DNAH8: variants seen among roughly 807,000 people sequenced by gnomAD.
DNAH8 encodes the protein axonemal beta dynein heavy chain 8.
Under a neutral mutation model 562.1 loss-of-function variants are expected in DNAH8, and 382 were observed. The observed-to-expected ratio is 0.68, with a 90% CI of 0.63 to 0.74. The LOEUF (loss-of-function observed/expected upper bound fraction) is 0.74. Ranked by LOEUF, DNAH8 falls within the 30% of genes least tolerant of loss-of-function variation. DNAH8 has a pLI of 0.00. For synonymous variants in DNAH8, 1,881 were observed against 1,919.4 expected (o/e 0.98, Z 0.52); for missense variants, 5,203 against 5,620.4 (o/e 0.93, Z 2.37).
chr6:38,872,722 A>C lies in DNAH8; in HGVS notation c.7177A>C (p.Asn2393His), dbSNP rs377740147. The change falls in exon 50 of 93, where the codon AAT (asparagine) becomes CAT (histidine). Residue 2393 changes from asparagine (N) to histidine (H), a missense_variant. Asn to His is a moderately conservative substitution (Grantham distance 68, BLOSUM62 1). Around this residue, in one of 6 missense-constraint regions of DNAH8, gnomAD observed 2,176 missense variants for 2,365.1 expected, o/e 0.92. Coordinates refer to ENST00000327475, the MANE Select transcript of DNAH8 (RefSeq NM_001206927.2). ...GTTTGGCAGACTGGACACTGCTACC[A>C]ATGACTGGACAGATGGGATTTTTTC... ...QMFGRLDTATNDWTDGIFSTL... is the reference protein window; with the variant it reads ...QMFGRLDTATHDWTDGIFSTL... The C allele has an allele frequency of 5.6e-6, 9 of 1,614,148 alleles. No homozygotes were observed. Among genetic ancestry groups the C allele is most frequent in the East Asian group, 4.5e-5 (2 of 44,846 alleles).
intron 76 of DNAH8, among the ~76,000 whole-genome samples, chr6:38,933,868 A>G (rs1782747127): frequency 6.6e-6 from 1 of 152,222 alleles, no homozygotes; most frequent in Non-Finnish European, 1.5e-5. Flanking sequence ...CCAAATGTAA[A>G]ATAAAGAAAT....
At chr6:39,026,444 T>A (rs1767290288) in intron 91 of DNAH8, 102 bp from the exon 92 acceptor site, 5 of 1,193,790 alleles carry the variant, frequency 4.2e-6, no homozygotes, top group Non-Finnish European at 5.9e-6. Context: ...GATGGATGTG[T>A]AGTTTGGAGA....
chr6:38,884,602 G>T (rs1778775387), intron 56 of DNAH8, among the ~76,000 whole-genome samples: 1 of 152,040 alleles, frequency 6.6e-6, no homozygotes, highest in Non-Finnish European at 1.5e-5. Flanking sequence ...CTCCTACGTG[G>T]TTTTCTACAG....
In DNAH8 at chr6:38,837,959, G is replaced by T; in HGVS notation, c.4383G>T (p.Leu1461=). 6.2e-7 allele frequency: 1 copy of T among 1,612,762 alleles called. No homozygotes were observed. Among genetic ancestry groups the T allele is most frequent in the Non-Finnish European group, 8.5e-7 (1 of 1,179,168 alleles). Residue 1461 remains leucine (L), a synonymous_variant, in exon 33 of 93, where the codon CTG becomes CTT. Transcript: ENST00000327475. ...LQIFQASFDD[L]WRKFVTYSSG... is the part of the protein sequence containing the mutation. The stretch of plus-strand genomic sequence containing the variant: ...TGTTACAGGCCAGTTTCGATGATCT[G>T]TGGAGGAAATTTGTTACGTATTCAT...
chr6:38,985,719 A>G (rs1412161187), intron 87 of DNAH8, among the ~76,000 whole-genome samples: 2 of 152,214 alleles, frequency 1.3e-5, no homozygotes, highest in Non-Finnish European at 2.9e-5. Context: ...TCATGGCAAC[A>G]TTGTGTGTGG....
intron 4 of DNAH8, among the ~76,000 whole-genome samples, chr6:38,730,867 C>A (rs1050619708): frequency 6.6e-6 from 1 of 152,144 alleles, no homozygotes; most frequent in Non-Finnish European, 1.5e-5. Flanking sequence ...TCTCTCCTCA[C>A]CTGGCTTTTT....
In DNAH8 at chr6:39,002,597, T is replaced by A. The variant is rs1021543714; in HGVS notation, c.13215-6217T>A. On this transcript the variant is annotated intron_variant, in intron 88 of 92. Transcript: ENST00000327475. ...CTGTTCATGTATTCAACTGCATGCA[T>A]GTTTCAACTTTTAAGATAAGTGTCT... is the stretch of plus-strand genomic sequence containing the variant. Among the ~76,000 whole-genome samples, 5 of 152,248 alleles carry A rather than the reference T, an allele frequency of 3.3e-5. No homozygotes were observed. In the South Asian group the frequency reaches 1.0e-3, roughly 32 times the overall value.
At chr6:38,752,883 G>A (rs1338755652) in intron 9 of DNAH8, among the ~76,000 whole-genome samples, 1 of 152,118 alleles carries the variant, frequency 6.6e-6, no homozygotes, top group Non-Finnish European at 1.5e-5. Context: ...AGAGATTGTC[G>A]ATTTTATTTA....
In DNAH8 at chr6:38,974,508, A is replaced by G. The variant is rs1197148639; in HGVS notation, c.12813A>G (p.Ala4271=). 13 of 1,613,854 alleles carry G rather than the reference A, an allele frequency of 8.1e-6. No homozygotes were observed. In the South Asian group the frequency reaches 9.9e-5, roughly 12 times the overall value. The change falls in exon 85 of 93, where the codon GCA becomes GCG. Residue 4271 remains alanine, a synonymous_variant. Transcript: ENST00000327475. The stretch of plus-strand genomic sequence containing the variant: ...GGAAGCCGATGCTTTACACAGTAGC[A>G]TTTTTACACTCCACTGTGCAGGTAA... ...PMWKPMLYTV[A]FLHSTVQERR...
intron 41 of DNAH8, among the ~76,000 whole-genome samples, chr6:38,854,936 A>G (rs1377275598): frequency 6.7e-6 from 1 of 148,784 alleles, no homozygotes; most frequent in East Asian, 1.9e-4. Context: ...TATAATACAT[A>G]TTTTACAAAG....
In DNAH8 at chr6:38,886,086, GA is replaced by G. The variant is rs1487716569; in HGVS notation, c.8260-703del. ...AGGTGTAGAGCTTAGAAGAGAATTT[GA>G]AGCTAGAGTTATAGATATGAGATTC... On this transcript the variant is annotated intron_variant, in intron 56 of 92. Coordinates refer to ENST00000327475, the MANE Select transcript of DNAH8 (RefSeq NM_001206927.2). Among the ~76,000 whole-genome samples the G allele has an allele frequency of 4.2e-4, 63 of 151,732 alleles. 1 individual carries two copies. The highest frequency in any genetic ancestry group is 3.9e-3 in the Admixed American group (60 of 15,254).
intron 4 of DNAH8, among the ~76,000 whole-genome samples, chr6:38,731,668 A>T (rs1013004052): frequency 2.0e-5 from 3 of 152,324 alleles, no homozygotes; most frequent in Non-Finnish European, 4.4e-5. Flanking sequence ...GCTACTTACA[A>T]AAGTACATTT....
chr6:38,855,341 C>A (rs1253824225), intron 41 of DNAH8, among the ~76,000 whole-genome samples: 1 of 151,998 alleles, frequency 6.6e-6, no homozygotes, highest in Non-Finnish European at 1.5e-5. Flanking sequence ...GAAACCTGCA[C>A]GTTCTGCACG....
intron 17 of DNAH8, among the ~76,000 whole-genome samples, chr6:38,784,647 C>T (rs890258638): frequency 9.2e-5 from 14 of 152,172 alleles, no homozygotes; most frequent in South Asian, 6.2e-4. Context: ...ATACAGTGCT[C>T]ACCATGTGCC....
intron 52 of DNAH8, among the ~76,000 whole-genome samples, chr6:38,874,686 A>G (rs1777851747): frequency 6.6e-6 from 1 of 151,698 alleles, no homozygotes; most frequent in Non-Finnish European, 1.5e-5. Context: ...TTTATTTCCT[A>G]CTCGGTTTTC....
intron 35 of DNAH8, among the ~76,000 whole-genome samples, chr6:38,843,176 T>TA (rs1001093665): frequency 6.6e-6 from 1 of 150,660 alleles, no homozygotes; most frequent in Non-Finnish European, 1.5e-5. Flanking sequence ...CACTTCCACT[T>TA]AAAAAAAATT....
chr6:38,786,990 GT>G (rs1343989405), intron 18 of DNAH8, 38 bp downstream of exon 18: 6 of 1,435,024 alleles, frequency 4.2e-6, no homozygotes, highest in African/African-American at 1.5e-5. Flanking sequence ...TTTTGAAGGA[GT>G]TTTTTGGTAA....
At chr6:38,847,708 A>G (rs1256989319) in intron 36 of DNAH8, among the ~76,000 whole-genome samples, 1 of 152,138 alleles carries the variant, frequency 6.6e-6, no homozygotes, top group Non-Finnish European at 1.5e-5. Context: ...AGTGCCACTC[A>G]CCAGCAAATG....
chr6:38,807,615 TA>T lies in DNAH8; in HGVS notation c.3159del (p.Glu1054ArgfsTer11). 6.6e-7 allele frequency: 1 copy of T among 1,526,158 alleles called. No individual in the cohort carries two copies. The highest frequency in any genetic ancestry group is 8.8e-7 in the Non-Finnish European group (1 of 1,137,416). The allele number at this position is 1,526,158 out of a possible 1,614,324, so 94.5% of individuals were successfully genotyped here. A position where few individuals can be genotyped will look rare whatever the true frequency, so the allele number is the denominator to read the frequency against. ...AATCTGATTTCTTATTACAGGAGTGTAAAGAGGTCTTTGCTTTTTTCTCTCA... is the reference window on the plus strand; with the variant it reads ...AATCTGATTTCTTATTACAGGAGTGTAAGAGGTCTTTGCTTTTTTCTCTCA... The part of the protein sequence containing the change: ...DKEDEFKKEC[K>X]EVFAFFSHQL... On this transcript the variant is annotated frameshift_variant, in exon 24 of 93. Coordinates refer to ENST00000327475, the MANE Select transcript of DNAH8 (RefSeq NM_001206927.2). LOFTEE classifies it high-confidence loss of function.
Sources: allele counts gnomAD v4.1 joint callset (sites outside exome capture counted in the v4.1 genomes callset), GRCh38; gene constraint gnomAD v4.1.1; regional missense constraint gnomAD v4.1.1; transcripts MANE v1.5; gene names NCBI Gene and HGNC (gene_info 2026-07-23, HGNC 2026-07-21).